PCDHGA5: variants seen among roughly 807,000 people sequenced by gnomAD.
PCDHGA5 encodes the protein protocadherin gamma subfamily A, 5.
A neutral mutation model predicts 56.7 loss-of-function variants in PCDHGA5; 36 were observed. The ratio of observed to expected loss-of-function variants is 0.64; its 90% CI spans 0.49 to 0.84. The LOEUF is 0.84. Ranked by LOEUF, PCDHGA5 falls within the 40% of genes least tolerant of loss-of-function variation. PCDHGA5 has a pLI of 0.00. For missense variants in PCDHGA5, 1,305 were observed against 1,201.5 expected (o/e 1.09, Z -1.27); for synonymous variants, 563 against 520.2 (o/e 1.08, Z -1.12).
intron 1 of PCDHGA5, chr5:141,433,042 G>A (rs752612411): frequency 6.2e-6 from 10 of 1,614,142 alleles, no homozygotes; most frequent in Non-Finnish European, 7.6e-6. Flanking sequence ...CCCTCACCAC[G>A]GACTCGCGGA....
At chr5:141,474,607 A>C (rs1334447439) in intron 1 of PCDHGA5, among the ~76,000 whole-genome samples, 1 of 152,238 alleles carries the variant, frequency 6.6e-6, no homozygotes, top group Non-Finnish European at 1.5e-5. Context: ...TAGGTCACAT[A>C]TGGCTTTTCA....
At chr5:141,401,833 TATA>T (rs947293983) in intron 1 of PCDHGA5, among the ~76,000 whole-genome samples, 12 of 152,238 alleles carry the variant, frequency 7.9e-5, no homozygotes, top group African/African-American at 2.9e-4. Context: ...TGAGATTTCT[TATA>T]ATACCACTTA....
chr5:141,375,211 T>G, intron 1 of PCDHGA5: 1 of 1,614,010 alleles, frequency 6.2e-7, no homozygotes, highest in Non-Finnish European at 8.5e-7. Flanking sequence ...ATCGAGACTC[T>G]GGCCTGAATG....
intron 1 of PCDHGA5, among the ~76,000 whole-genome samples, chr5:141,447,082 T>A (rs1259827606): frequency 6.6e-6 from 1 of 152,156 alleles, no homozygotes; most frequent in Non-Finnish European, 1.5e-5. Flanking sequence ...ATTTTTGTTG[T>A]TTAATTTTCT....
In PCDHGA5 at chr5:141,365,018, G is replaced by C; in HGVS notation, c.688G>C (p.Val230Leu). ...ACTCTCCGGCACCACGCACATCCGT[G>C]TTACGGTCCTCGACGCAAACGACAA... ...PVLSGTTHIR[V>L]TVLDANDNAP... The change falls in exon 1 of 4, where the codon GTT becomes CTT. Residue 230 changes from valine (V) to leucine (L), a missense_variant. Coordinates refer to ENST00000518069, the MANE Select transcript of PCDHGA5 (RefSeq NM_018918.3). The C allele has an allele frequency of 6.2e-7, 1 of 1,613,880 alleles. No homozygotes were observed. Among genetic ancestry groups the C allele is most frequent in the Non-Finnish European group, 8.5e-7 (1 of 1,179,888 alleles).
At chr5:141,449,021 C>T (rs897401758) in intron 1 of PCDHGA5, among the ~76,000 whole-genome samples, 3 of 152,104 alleles carry the variant, frequency 2.0e-5, no homozygotes, top group Non-Finnish European at 4.4e-5. Context: ...AGTTGCTTAG[C>T]ATTCCTTTGG....
At chr5:141,464,263 TAA>T (rs35224477) in intron 1 of PCDHGA5, among the ~76,000 whole-genome samples, 15 of 103,552 alleles carry the variant, frequency 1.4e-4, no homozygotes, top group Admixed American at 3.2e-4. Context: ...AGACTCCGTC[TAA>T]AAAAAAAAAA....
At chr5:141,403,560 A>G in intron 1 of PCDHGA5, 1 of 1,613,972 alleles carries the variant, frequency 6.2e-7, no homozygotes, top group Non-Finnish European at 8.5e-7. Context: ...CTGGACAGGG[A>G]GGAGGCAACT....
intron 1 of PCDHGA5, among the ~76,000 whole-genome samples, chr5:141,452,299 A>G (rs2098738116): frequency 6.6e-6 from 1 of 152,176 alleles, no homozygotes; most frequent in African/African-American, 2.4e-5. Flanking sequence ...ATAAGAAAAT[A>G]TTAGAGACTC....
chr5:141,375,245 A>G (rs768962763), intron 1 of PCDHGA5: 6 of 1,613,950 alleles, frequency 3.7e-6, no homozygotes, highest in Non-Finnish European at 8.5e-7. Flanking sequence ...TTCCATCCCG[A>G]GAAGTCTCCC....
At chr5:141,413,454 G>A (rs765318722) in intron 1 of PCDHGA5, 46 of 1,614,026 alleles carry the variant, frequency 2.9e-5, no homozygotes, top group Non-Finnish European at 3.7e-5. Flanking sequence ...CCGCGGGCAG[G>A]ATAGACCGGG....
chr5:141,383,036 G>T, intron 1 of PCDHGA5: 1 of 1,613,876 alleles, frequency 6.2e-7, no homozygotes, highest in Non-Finnish European at 8.5e-7. Flanking sequence ...TCCTTTGTGG[G>T]AGACATCGCC....
intron 1 of PCDHGA5, among the ~76,000 whole-genome samples, chr5:141,459,035 A>T (rs1404092581): frequency 6.6e-6 from 1 of 152,218 alleles, no homozygotes; most frequent in Non-Finnish European, 1.5e-5. Context: ...ATCCAGCCTT[A>T]CCAGCTATAT....
In PCDHGA5 at chr5:141,512,926, T is replaced by C. The variant is rs1438111849; in HGVS notation, c.*1753T>C. The C allele has an allele frequency of 6.6e-6, 1 of 152,216 alleles. No homozygotes were observed. The highest frequency in any genetic ancestry group is 1.5e-5 in the Non-Finnish European group (1 of 68,048). 9.4% of individuals were successfully genotyped at this position (152,216 alleles called of 1,614,324 possible). A position where few individuals can be genotyped will look rare whatever the true frequency, so the allele number is the denominator to read the frequency against. On this transcript the variant is annotated 3_prime_UTR_variant, in exon 4 of 4. Coordinates refer to ENST00000518069, the MANE Select transcript of PCDHGA5 (RefSeq NM_018918.3). ...CGCAAGTTTTATACTCTAATATTTA[T>C]ATGGCTTTTTTTCTTCGACAAAAAA...
intron 1 of PCDHGA5, chr5:141,373,987 G>C: frequency 8.3e-7 from 1 of 1,199,482 alleles, no homozygotes; most frequent in South Asian, 2.3e-5. Flanking sequence ...GTCTCTGCTT[G>C]TTGAAGGACC....
At chr5:141,414,118 G>C (rs559064215) in intron 1 of PCDHGA5, 1 of 1,592,490 alleles carries the variant, frequency 6.3e-7, no homozygotes, top group Admixed American at 1.8e-5. Flanking sequence ...AGATTATGAA[G>C]AAACCGGTTT....
intron 1 of PCDHGA5, among the ~76,000 whole-genome samples, chr5:141,369,378 T>A (rs866878162): frequency 6.6e-6 from 1 of 151,988 alleles, no homozygotes; most frequent in Admixed American, 6.6e-5. Context: ...TTTGTAAAAG[T>A]TTTTCATTTG....
At chr5:141,394,399 A>C in intron 1 of PCDHGA5, 3 of 1,614,206 alleles carry the variant, frequency 1.9e-6, no homozygotes, top group Non-Finnish European at 2.5e-6. Context: ...CGAGACCTGC[A>C]GCTACTGGTA....
chr5:141,459,993 G>T (rs1320315247), intron 1 of PCDHGA5, among the ~76,000 whole-genome samples: 1 of 152,164 alleles, frequency 6.6e-6, no homozygotes, highest in African/African-American at 2.4e-5. Context: ...CAGGAGAATC[G>T]CTTGAACCCA....
Sources: allele counts gnomAD v4.1 joint callset (sites outside exome capture counted in the v4.1 genomes callset), GRCh38; gene constraint gnomAD v4.1.1; transcripts MANE v1.5; gene names NCBI Gene and HGNC (gene_info 2026-07-23, HGNC 2026-07-21).